The following PREX2 variants were observed in gnomAD, a reference collection of about 807,000 sequenced individuals.
The protein encoded by PREX2 is phosphatidylinositol-3,4,5-trisphosphate dependent Rac exchange factor 2, also known as phosphatidylinositol 3,4,5-trisphosphate-dependent Rac exchanger 2 protein.
A neutral mutation model predicts 203.2 loss-of-function variants in PREX2; 107 were observed. That is an observed-to-expected ratio of 0.53 (90% CI 0.45 to 0.62). The LOEUF is 0.62. Among genes scored for constraint, PREX2 ranks in the 20% least tolerant of loss-of-function variants. The pLI, the probability that PREX2 is intolerant of heterozygous loss-of-function variation, is 0.00. For synonymous variants in PREX2, 672 were observed against 663.6 expected (o/e 1.01, Z -0.19); for missense variants, 1,777 against 1,955.9 (o/e 0.91, Z 1.72).
intron 1 of PREX2, among the ~76,000 whole-genome samples, chr8:67,963,292 A>AAG (rs549523089): frequency 1.5e-4 from 23 of 152,304 alleles, no homozygotes; most frequent in African/African-American, 5.3e-4. Flanking sequence ...CATGAAATGG[A>AAG]AGGTACATGT....
At chr8:68,041,333 A>G (rs553303277) in intron 7 of PREX2, among the ~76,000 whole-genome samples, 1 of 152,292 alleles carries the variant, frequency 6.6e-6, no homozygotes, top group South Asian at 2.1e-4. Flanking sequence ...TTCTTAAATC[A>G]GTTATCAAGA....
intron 35 of PREX2, among the ~76,000 whole-genome samples, chr8:68,187,293 A>G (rs763667934): frequency 6.6e-6 from 1 of 152,178 alleles, no homozygotes; most frequent in African/African-American, 2.4e-5. Context: ...TCATGAAATT[A>G]CATAGATTCC....
chr8:68,075,805 G>A (rs1006276228), intron 14 of PREX2, among the ~76,000 whole-genome samples: 13 of 152,332 alleles, frequency 8.5e-5, no homozygotes, highest in African/African-American at 2.6e-4. Flanking sequence ...TATGTGTTTA[G>A]TAGTTCTTAG....
In PREX2 at chr8:68,060,674, T is replaced by C; in HGVS notation, c.1239-5T>C. The C allele has an allele frequency of 6.2e-7, 1 of 1,607,018 alleles. No homozygotes were observed. The highest frequency in any genetic ancestry group is 8.5e-7 in the Non-Finnish European group (1 of 1,176,504). On this transcript the variant is annotated splice_region_variant and splice_polypyrimidine_tract_variant and intron_variant, in intron 10 of 39. Coordinates refer to ENST00000288368, the MANE Select transcript of PREX2 (RefSeq NM_024870.4). ...TTTAGCTTTTTCACTGACTTTCTCT[T>C]GCAGCGAATTTGTGTCATGGCTGTT...
intron 11 of PREX2, 38 bp from the exon 12 acceptor site, chr8:68,068,995 A>T: frequency 1.2e-6 from 1 of 808,962 alleles, no homozygotes; most frequent in Non-Finnish European, 1.9e-6. Context: ...CCCCTTTTAG[A>T]GTATCGTTAT....
At chr8:68,165,732 G>C (rs1009513751) in intron 35 of PREX2, among the ~76,000 whole-genome samples, 5 of 152,034 alleles carry the variant, frequency 3.3e-5, no homozygotes, top group Non-Finnish European at 4.4e-5. Context: ...TCCAAAACCA[G>C]CTTTTTCTTA....
At chr8:68,189,734 C>G (rs890728858) in intron 35 of PREX2, among the ~76,000 whole-genome samples, 4 of 152,142 alleles carry the variant, frequency 2.6e-5, no homozygotes, top group Non-Finnish European at 5.9e-5. Flanking sequence ...AGCCCCCACA[C>G]TCCCATCAGT....
intron 1 of PREX2, among the ~76,000 whole-genome samples, chr8:67,985,451 T>C (rs1221794722): frequency 1.3e-5 from 2 of 152,210 alleles, no homozygotes; most frequent in African/African-American, 4.8e-5. Context: ...ATAGTTGCAG[T>C]GGATTTTACC....
At chr8:68,199,338 A>G (rs78372054) in intron 37 of PREX2, among the ~76,000 whole-genome samples, 1,582 of 152,322 alleles carry the variant, frequency 0.01, 38 homozygotes, top group African/African-American at 0.036. Context: ...TAGCTTTAAC[A>G]TATGTAAAGT....
At chr8:68,108,513 G>A (rs1810464682) in intron 24 of PREX2, among the ~76,000 whole-genome samples, 182 bp downstream of exon 24, 1 of 152,176 alleles carries the variant, frequency 6.6e-6, no homozygotes, top group East Asian at 1.9e-4. Context: ...GAATGAAAAT[G>A]GAGTTAGGCA....
At chr8:68,202,771 AG>A (rs1295189918) in intron 37 of PREX2, among the ~76,000 whole-genome samples, 1 of 152,124 alleles carries the variant, frequency 6.6e-6, no homozygotes, top group Non-Finnish European at 1.5e-5. Context: ...GGGACTTACT[AG>A]GGGATTTGGT....
chr8:68,202,465 AT>A (rs938930521), intron 37 of PREX2, among the ~76,000 whole-genome samples: 21 of 152,188 alleles, frequency 1.4e-4, no homozygotes, highest in African/African-American at 5.1e-4. Context: ...ATGATTAGAT[AT>A]TTTTTAAAAT....
Position 68,130,235 on chromosome 8 carries a change from A to G in PREX2, c.3766+2816A>G, listed in dbSNP as rs552892570. On this transcript the variant is annotated intron_variant, in intron 31 of 39. Transcript: ENST00000288368. ...AGCCTGGGAGTTTGAACCTGCAGTG[A>G]GCTATGATCGTGCCACTGTACTCCA... Among the ~76,000 whole-genome samples the G allele has an allele frequency of 3.9e-5, 6 of 152,204 alleles. No individual in the cohort carries two copies. In the South Asian group the frequency reaches 1.2e-3, roughly 32 times the overall value.
At chr8:68,020,559 T>C (rs1807541281) in intron 3 of PREX2, among the ~76,000 whole-genome samples, 1 of 152,200 alleles carries the variant, frequency 6.6e-6, no homozygotes. Flanking sequence ...TCTGTCTTTA[T>C]GTAGTGAGCA....
At chr8:68,174,236 C>A (rs1375921045) in intron 35 of PREX2, among the ~76,000 whole-genome samples, 2 of 152,106 alleles carry the variant, frequency 1.3e-5, no homozygotes, top group Non-Finnish European at 2.9e-5. Flanking sequence ...TAGCTTGCAG[C>A]CAGAACTTTT....
At chr8:67,991,539 G>A (rs1045521276) in intron 1 of PREX2, among the ~76,000 whole-genome samples, 4 of 152,156 alleles carry the variant, frequency 2.6e-5, no homozygotes, top group Non-Finnish European at 5.9e-5. Context: ...AGTGCCCAGC[G>A]AAGTGGGAAG....
rs746068325 is a variant in PREX2 at position 68,120,957 on chromosome 8, C to T, written c.3632C>T (p.Pro1211Leu). Residue 1211 changes from proline to leucine, a missense_variant, in exon 30 of 40, where the codon CCA (proline) becomes CTA (leucine). Pro to Leu is a moderately conservative substitution (Grantham distance 98). Coordinates refer to ENST00000288368, the MANE Select transcript of PREX2 (RefSeq NM_024870.4). Reference sequence around the variant, plus strand: ...GAAATGGAACCAAAGCTGAGTTGTCCAAAAAGGCTACGGCTTCATATCAAG... The same window carrying T: ...GAAATGGAACCAAAGCTGAGTTGTCTAAAAAGGCTACGGCTTCATATCAAG... The part of the protein sequence containing the change: ...QQEMEPKLSC[P>L]KRLRLHIKQD... 3.7e-6 allele frequency: 6 copies of T among 1,613,398 alleles called. No individual in the cohort carries two copies. Among genetic ancestry groups the T allele is most frequent in the Non-Finnish European group, 5.1e-6 (6 of 1,179,556 alleles).
chr8:68,060,569 C>A, intron 10 of PREX2, 110 bp from the exon 11 acceptor site: 1 of 692,284 alleles, frequency 1.4e-6, no homozygotes, highest in Non-Finnish European at 2.5e-6. Context: ...TGCAAATATT[C>A]CTTTATATTT....
intron 1 of PREX2, among the ~76,000 whole-genome samples, chr8:67,958,832 G>A (rs893577304): frequency 6.6e-6 from 1 of 152,162 alleles, no homozygotes; most frequent in African/African-American, 2.4e-5. Flanking sequence ...TAGTGTCATT[G>A]ACTGAGAATT....
Sources: allele counts gnomAD v4.1 joint callset (sites outside exome capture counted in the v4.1 genomes callset), GRCh38; gene constraint gnomAD v4.1.1; transcripts MANE v1.5; gene names NCBI Gene and HGNC (gene_info 2026-07-23, HGNC 2026-07-21).